The following GPC5 variants were observed in gnomAD, a reference collection of about 807,000 sequenced individuals.
GPC5 encodes the protein glypican-5.
A neutral mutation model predicts 53.9 loss-of-function variants in GPC5; 47 were observed. That is an observed-to-expected ratio of 0.87 (90% CI 0.69 to 1.11). The LOEUF (loss-of-function observed/expected upper bound fraction) is 1.11, where lower values mean the gene tolerates loss of function less well. Among genes scored for constraint, GPC5 ranks in the 50% most tolerant of loss-of-function variants. The pLI, the probability that GPC5 is intolerant of heterozygous loss-of-function variation, is 0.00. For synonymous variants in GPC5, 286 were observed against 263.3 expected, an observed-to-expected ratio of 1.09 and a Z score of -0.84; for missense variants, 748 against 713.1, an observed-to-expected ratio of 1.05 and a Z score of -0.56.
At chr13:92,131,928 AC>A (rs901595954) in intron 6 of GPC5, among the ~76,000 whole-genome samples, 4 of 66,970 alleles carry the variant, frequency 6.0e-5, no homozygotes, top group Non-Finnish European at 1.0e-4. Context: ...TTAAGTATAT[AC>A]CCAACAGATA....
chr13:92,123,140 A>G (rs1296801442), intron 6 of GPC5, among the ~76,000 whole-genome samples: 1 of 152,080 alleles, frequency 6.6e-6, no homozygotes, highest in East Asian at 1.9e-4. Flanking sequence ...GGGGTGGCTT[A>G]TGCTTGTAAT....
chr13:91,549,334 G>T (rs920139122), intron 2 of GPC5, among the ~76,000 whole-genome samples: 1 of 150,922 alleles, frequency 6.6e-6, no homozygotes, highest in South Asian at 2.1e-4. Context: ...AGATAACTAT[G>T]GGTGTGGTTA....
chr13:91,960,523 A>G (rs1270070497), intron 6 of GPC5, among the ~76,000 whole-genome samples: 1 of 152,012 alleles, frequency 6.6e-6, no homozygotes, highest in African/African-American at 2.4e-5. Flanking sequence ...ACCTCTATAA[A>G]AAGACCAATT....
At chr13:91,701,569 GTGTT>G (rs1003576832) in intron 3 of GPC5, among the ~76,000 whole-genome samples, 8 of 151,822 alleles carry the variant, frequency 5.3e-5, no homozygotes, top group African/African-American at 1.5e-4. Context: ...GTGTGTGTGT[GTGTT>G]TGTGTTTGTG....
At chr13:92,223,783 C>T (rs1260779054) in intron 7 of GPC5, among the ~76,000 whole-genome samples, 1 of 152,040 alleles carries the variant, frequency 6.6e-6, no homozygotes, top group African/African-American at 2.4e-5. Context: ...AAAGATCAAA[C>T]TTTTAAGGAA....
intron 6 of GPC5, among the ~76,000 whole-genome samples, chr13:91,970,230 T>G (rs1594695658): frequency 6.6e-6 from 1 of 152,110 alleles, no homozygotes; most frequent in Non-Finnish European, 1.5e-5. Flanking sequence ...GGTGAACTTA[T>G]AGAAATAGAA....
In GPC5 at chr13:92,846,531, C is replaced by T. The variant is rs963688973; in HGVS notation, c.1562-19751C>T. ...TCCTACCTGGCATCCACAATCACTG[C>T]TGTATTTATGCACTACAGAATAAAT... On this transcript the variant is annotated intron_variant, in intron 7 of 7. Transcript: ENST00000377067. Among the ~76,000 whole-genome samples the T allele has an allele frequency of 5.9e-5, 9 of 152,158 alleles. No individual in the cohort carries two copies. The South Asian group carries it at 1.0e-3, about 18-fold the overall frequency.
At chr13:91,943,215 T>C (rs2039944126) in intron 6 of GPC5, among the ~76,000 whole-genome samples, 1 of 152,172 alleles carries the variant, frequency 6.6e-6, no homozygotes, top group Admixed American at 6.5e-5. Context: ...GTATGACATT[T>C]ATAAGTATAT....
At chr13:92,031,564 T>C (rs2040841418) in intron 6 of GPC5, among the ~76,000 whole-genome samples, 1 of 148,850 alleles carries the variant, frequency 6.7e-6, no homozygotes, top group Non-Finnish European at 1.5e-5. Context: ...TTCTTTCTTT[T>C]TTTATTATGG....
At chr13:91,861,547 T>C (rs1202172311) in intron 5 of GPC5, among the ~76,000 whole-genome samples, 1 of 151,962 alleles carries the variant, frequency 6.6e-6, no homozygotes, top group East Asian at 1.9e-4. Context: ...CTAATGCTTG[T>C]TGTGTATATG....
intron 1 of GPC5, among the ~76,000 whole-genome samples, chr13:91,435,245 G>A (rs745526912): frequency 3.3e-5 from 5 of 152,134 alleles, no homozygotes; most frequent in Non-Finnish European, 7.3e-5. Flanking sequence ...TGGTGAGAGA[G>A]GGCATCCCTG....
intron 7 of GPC5, among the ~76,000 whole-genome samples, chr13:92,817,978 G>T (rs939893957): frequency 2.0e-5 from 3 of 151,242 alleles, no homozygotes; most frequent in Non-Finnish European, 2.9e-5. Flanking sequence ...CCTGGGTAAT[G>T]GGTAATGGAT....
At chr13:92,062,663 A>G (rs903153319) in intron 6 of GPC5, among the ~76,000 whole-genome samples, 1 of 152,014 alleles carries the variant, frequency 6.6e-6, no homozygotes, top group Non-Finnish European at 1.5e-5. Flanking sequence ...AAATAGTAAA[A>G]TAAACTTTTG....
chr13:92,813,786 A>G (rs1230315376), intron 7 of GPC5, among the ~76,000 whole-genome samples: 1 of 152,106 alleles, frequency 6.6e-6, no homozygotes, highest in Non-Finnish European at 1.5e-5. Context: ...TCATGTTCTA[A>G]AAGACTCAAT....
At chr13:91,583,402 A>G (rs2032443881) in intron 2 of GPC5, among the ~76,000 whole-genome samples, 1 of 152,236 alleles carries the variant, frequency 6.6e-6, no homozygotes, top group Non-Finnish European at 1.5e-5. Flanking sequence ...CAATAATAAA[A>G]TAAACTTTAC....
intron 7 of GPC5, among the ~76,000 whole-genome samples, chr13:92,181,516 T>C (rs918753050): frequency 3.9e-5 from 6 of 152,244 alleles, no homozygotes; most frequent in Non-Finnish European, 7.3e-5. Flanking sequence ...AATCTTCAGA[T>C]AGTACAATTT....
At chr13:92,390,209 C>A (rs894608978) in intron 7 of GPC5, among the ~76,000 whole-genome samples, 3 of 152,044 alleles carry the variant, frequency 2.0e-5, no homozygotes, top group Admixed American at 6.6e-5. Flanking sequence ...TTATATCAGA[C>A]CTTATAATAT....
chr13:92,548,175 G>A (rs1882193035), intron 7 of GPC5, among the ~76,000 whole-genome samples: 1 of 151,772 alleles, frequency 6.6e-6, no homozygotes, highest in Admixed American at 6.6e-5. Flanking sequence ...TACAAAAGTT[G>A]AGATCCACCT....
rs562845306 is a variant in GPC5, at chr13:91,646,698, T to C, written c.326-46489T>C. On this transcript the variant is annotated intron_variant, in intron 2 of 7. Coordinates refer to ENST00000377067, the MANE Select transcript of GPC5 (RefSeq NM_004466.6). Reference sequence around the variant, plus strand: ...AGACATAGAAAGGTTGATTCTACCTTAAATATATGCTTCTGGTATAGCATA... The same window carrying C: ...AGACATAGAAAGGTTGATTCTACCTCAAATATATGCTTCTGGTATAGCATA... Among the ~76,000 whole-genome samples the C allele has an allele frequency of 1.2e-4, 18 of 152,256 alleles. No individual in the cohort carries two copies. In the South Asian group the frequency reaches 3.1e-3, roughly 26 times the overall value.
Sources: allele counts gnomAD v4.1 joint callset (sites outside exome capture counted in the v4.1 genomes callset), GRCh38; gene constraint gnomAD v4.1.1; transcripts MANE v1.5; gene names NCBI Gene and HGNC (gene_info 2026-07-23, HGNC 2026-07-21).